Variants in TUBGCP3 observed in about 807,000 individuals in gnomAD.
The protein encoded by TUBGCP3 is gamma-tubulin complex component 3.
Under a neutral mutation model 123.1 loss-of-function variants are expected in TUBGCP3, and 50 were observed. The ratio of observed to expected loss-of-function variants is 0.41; its 90% CI spans 0.32 to 0.51. The LOEUF (loss-of-function observed/expected upper bound fraction) is 0.51. Among genes scored for constraint, TUBGCP3 ranks in the 20% least tolerant of loss-of-function variants. TUBGCP3 has a pLI of 0.36. For missense variants in TUBGCP3, 882 were observed against 1,127.0 expected (o/e 0.78, Z 3.11); for synonymous variants, 405 against 413.9 (o/e 0.98, Z 0.26).
intron 8 of TUBGCP3, among the ~76,000 whole-genome samples, chr13:112,548,928 G>A (rs1343883141): frequency 6.6e-6 from 1 of 152,184 alleles, no homozygotes. Context: ...ACAGTGTGGC[G>A]ATTCCTCAAG....
intron 17 of TUBGCP3, among the ~76,000 whole-genome samples, chr13:112,510,649 C>T (rs1399269903): frequency 1.3e-5 from 2 of 152,200 alleles, no homozygotes; most frequent in Non-Finnish European, 2.9e-5. Context: ...TTCACTCAGA[C>T]TTAATCCTGC....
At chr13:112,486,226 C>T in intron 21 of TUBGCP3, 75 bp from the exon 22 acceptor site, 1 of 1,553,460 alleles carries the variant, frequency 6.4e-7, no homozygotes, top group Non-Finnish European at 8.7e-7. Context: ...GGACCTTAAT[C>T]TCCTTTGGGT....
intron 13 of TUBGCP3, 21 bp from the exon 14 acceptor site, chr13:112,522,530 G>C: frequency 1.3e-6 from 2 of 1,598,916 alleles, no homozygotes; most frequent in Non-Finnish European, 1.7e-6. Context: ...CAACAGGGAA[G>C]AGCACACATG....
intron 14 of TUBGCP3, chr13:112,521,567 T>C: frequency 1.5e-6 from 1 of 658,986 alleles, no homozygotes; most frequent in Non-Finnish European, 1.9e-6. Flanking sequence ...ACACTGAAAC[T>C]TGAGGACCTG....
chr13:112,514,615 A>C (rs1875922028), intron 17 of TUBGCP3, among the ~76,000 whole-genome samples: 1 of 152,274 alleles, frequency 6.6e-6, no homozygotes, highest in Admixed American at 6.5e-5. Flanking sequence ...CAATGTTAAC[A>C]AAAACAGTGA....
At chr13:112,588,448 C>G (rs1055557067), upstream of TUBGCP3, among the ~76,000 whole-genome samples, 1 of 152,126 alleles carries the variant, frequency 6.6e-6, no homozygotes, top group East Asian at 1.9e-4. Context: ...ATTCACACTT[C>G]TGATGAAAGA....
intron 1 of TUBGCP3, among the ~76,000 whole-genome samples, chr13:112,586,463 G>C (rs1329867620): frequency 6.6e-6 from 1 of 152,134 alleles, no homozygotes; most frequent in Non-Finnish European, 1.5e-5. Flanking sequence ...CATGAAACAT[G>C]TGAAAGGAAA....
Position 112,556,148 on chromosome 13 carries a change from CAGTTAAAG to C in TUBGCP3, c.617_624del (p.Thr206SerfsTer64), listed in dbSNP as rs1880016319. The stretch of plus-strand genomic sequence containing the variant: ...GTGGCTTGTGAAGAAGGCTGATTTG[CAGTTAAAG>C]TCCATGCGAGTCGTGACCCCAACTG... On this transcript the variant is annotated frameshift_variant, in exon 6 of 22. Coordinates refer to ENST00000261965, the MANE Select transcript of TUBGCP3 (RefSeq NM_006322.6). LOFTEE classifies it high-confidence loss of function. The C allele has an allele frequency of 6.2e-7, 1 of 1,613,976 alleles. No individual in the cohort carries two copies. Among genetic ancestry groups the C allele is most frequent in the Non-Finnish European group, 8.5e-7 (1 of 1,180,012 alleles).
intron 3 of TUBGCP3, among the ~76,000 whole-genome samples, chr13:112,562,931 C>T (rs1880634633): frequency 1.3e-5 from 2 of 152,202 alleles, no homozygotes; most frequent in African/African-American, 2.4e-5. Context: ...CCAGAACACC[C>T]GTCATCAACA....
At chr13:112,567,811 T>C (rs532139087) in intron 2 of TUBGCP3, among the ~76,000 whole-genome samples, 1 of 152,342 alleles carries the variant, frequency 6.6e-6, no homozygotes. Context: ...CCACAGACCA[T>C]GGGCCAAACA....
At chr13:112,591,998 C>T (rs1479316089), upstream of TUBGCP3, among the ~76,000 whole-genome samples, 1 of 151,174 alleles carries the variant, frequency 6.6e-6, no homozygotes, top group African/African-American at 2.4e-5. Context: ...GAGAACAGTG[C>T]ATCTACACCA....
In TUBGCP3 at chr13:112,521,970, T is replaced by TA. The variant is rs1876662287; in HGVS notation, c.1745+349dup. The TA allele has an allele frequency of 6.7e-6, 3 of 446,136 alleles. No homozygotes were observed. In the Admixed American group the frequency reaches 1.9e-4, roughly 29 times the overall value. The allele number at this position is 446,136 out of a possible 1,614,324, so 27.6% of individuals were successfully genotyped here. A position where few individuals can be genotyped will look rare whatever the true frequency, so the allele number is the denominator to read the frequency against. ...CAAATATAAAAGTAAAATTCAACTT[T>TA]AAAATATATATTTTATTTTTCAGCT... On this transcript the variant is annotated intron_variant, in intron 14 of 21. Transcript: ENST00000261965.
chr13:112,548,039 A>T, intron 9 of TUBGCP3, 69 bp downstream of exon 9: 1 of 1,250,178 alleles, frequency 8.0e-7, no homozygotes. Flanking sequence ...AACTTAAAAC[A>T]TTCTATATAG....
At chr13:112,554,840 T>C (rs1426314762) in intron 7 of TUBGCP3, 47 bp downstream of exon 7, 2 of 1,378,406 alleles carry the variant, frequency 1.5e-6, no homozygotes, top group African/African-American at 1.4e-5. Context: ...CTTCATGACA[T>C]GTTTTTTCTT....
chr13:112,596,211 A>C, the TUBGCP3 span, among the ~76,000 whole-genome samples: 2 of 152,180 alleles, frequency 1.3e-5, no homozygotes, highest in Non-Finnish European at 2.9e-5. Flanking sequence ...TCATATTTTC[A>C]TTCTTTTCAT....
chr13:112,504,485 C>A (rs369345697), intron 18 of TUBGCP3, 141 bp downstream of exon 18: 5 of 359,192 alleles, frequency 1.4e-5, no homozygotes, highest in South Asian at 6.4e-5. Flanking sequence ...GACTCCATCT[C>A]AAAAAAAAAA....
the TUBGCP3 span, chr13:112,605,212 G>A: frequency 1.3e-5 from 2 of 152,224 alleles, no homozygotes; most frequent in African/African-American, 4.8e-5. Context: ...GGGAGGCTGA[G>A]GCAGGAGAAT....
At chr13:112,567,394 G>A (rs758536813) in intron 2 of TUBGCP3, among the ~76,000 whole-genome samples, 10 of 152,156 alleles carry the variant, frequency 6.6e-5, no homozygotes, top group Non-Finnish European at 1.5e-4. Context: ...TGCTCACCAC[G>A]AGGCCATGAA....
chr13:112,553,989 G>T (rs1201328271), intron 8 of TUBGCP3, 68 bp downstream of exon 8: 2 of 1,566,534 alleles, frequency 1.3e-6, no homozygotes, highest in Non-Finnish European at 1.7e-6. Context: ...TTCACAGTAA[G>T]ATTTCAACTA....
Sources: allele counts gnomAD v4.1 joint callset (sites outside exome capture counted in the v4.1 genomes callset), GRCh38; gene constraint gnomAD v4.1.1; transcripts MANE v1.5; gene names NCBI Gene and HGNC (gene_info 2026-07-23, HGNC 2026-07-21).